The following C2orf92 variants were observed in gnomAD, a reference collection of about 807,000 sequenced individuals.
C2orf92 encodes the protein chromosome 2 open reading frame 92, also known as uncharacterized protein C2orf92.
At chr2:97,699,557 A>T (rs1334175583) in intron 6 of C2orf92, among the ~76,000 whole-genome samples, 1 of 152,184 alleles carries the variant, frequency 6.6e-6, no homozygotes, top group Non-Finnish European at 1.5e-5. Flanking sequence ...GTGAGCTGAG[A>T]TTGCACCATT....
intron 6 of C2orf92, 46 bp downstream of exon 6, chr2:97,699,182 G>A (rs893227007): frequency 1.5e-5 from 6 of 398,072 alleles, no homozygotes; most frequent in East Asian, 7.1e-5. Flanking sequence ...GCTTAAATAC[G>A]GACAACTTCT....
chr2:97,684,982 T>C (rs2104569604), intron 3 of C2orf92, among the ~76,000 whole-genome samples: 1 of 151,900 alleles, frequency 6.6e-6, no homozygotes, highest in Admixed American at 6.6e-5. Context: ...CAGGCTGGAG[T>C]GTAGTGGCAC....
At chr2:97,675,453 A>T (rs994481232) in intron 2 of C2orf92, among the ~76,000 whole-genome samples, 1 of 152,248 alleles carries the variant, frequency 6.6e-6, no homozygotes, top group Non-Finnish European at 1.5e-5. Context: ...GTCTATTCTT[A>T]ATGATTTATC....
At chr2:97,663,945 G>A (rs1181183055), upstream of C2orf92, 3 of 979,186 alleles carry the variant, frequency 3.1e-6, no homozygotes, top group African/African-American at 1.7e-5. Flanking sequence ...CACCGGATGG[G>A]CGGGCGGGCG....
intron 2 of C2orf92, chr2:97,675,611 T>C (rs1445814546): frequency 5.3e-6 from 2 of 380,866 alleles, no homozygotes; most frequent in South Asian, 1.5e-4. Flanking sequence ...TCAATGCTTA[T>C]GCATATTGTC....
chr2:97,696,950 G>A (rs779208965), intron 5 of C2orf92, among the ~76,000 whole-genome samples: 7 of 152,186 alleles, frequency 4.6e-5, no homozygotes, highest in African/African-American at 1.4e-4. Flanking sequence ...AAAGGCTCAC[G>A]TCAATGTTAG....
upstream of C2orf92, chr2:97,668,268 A>C (rs1675300831): frequency 6.6e-6 from 1 of 152,180 alleles, no homozygotes; most frequent in Non-Finnish European, 1.5e-5. Flanking sequence ...GTTACAGATT[A>C]CATGGTACCC....
At chr2:97,698,804 C>T (rs1173278930) in intron 5 of C2orf92, among the ~76,000 whole-genome samples, 3 of 152,186 alleles carry the variant, frequency 2.0e-5, no homozygotes, top group Non-Finnish European at 2.9e-5. Context: ...GAAATGCTGC[C>T]TCAGCTATGG....
chr2:97,688,644 T>G lies in C2orf92; in HGVS notation c.233-251T>G, dbSNP rs951453740. Among the ~76,000 whole-genome samples the G allele has an allele frequency of 2.0e-5, 3 of 152,086 alleles. No homozygotes were observed. In the East Asian group the frequency reaches 5.8e-4, roughly 29 times the overall value. On this transcript the variant is annotated intron_variant, in intron 3 of 7. Transcript: ENST00000627399. Reference sequence around the variant, plus strand: ...TATTAGGGCACTAAGTATCAGGAGATCTGGGGCCATATATCTTTAGCGGGC... The same window carrying G: ...TATTAGGGCACTAAGTATCAGGAGAGCTGGGGCCATATATCTTTAGCGGGC...
Position 97,701,218 on chromosome 2 carries a change from C to T in C2orf92, c.579C>T (p.Ile193=), listed in dbSNP as rs931502733. 5.8e-5 allele frequency: 23 copies of T among 398,976 alleles called. No homozygotes were observed. The highest frequency in any genetic ancestry group is 1.4e-4 in the African/African-American group (7 of 48,626). 24.7% of individuals were successfully genotyped at this position (398,976 alleles called of 1,614,324 possible). ...LLHFLQRNTI[I]AAVSGVAILM... is the part of the protein sequence containing the mutation. ...ACTTCCTGCAGAGGAACACCATCATCGCCGCCGTCTCAGGGGTGGCCATCC... is the reference window on the plus strand; with the variant it reads ...ACTTCCTGCAGAGGAACACCATCATTGCCGCCGTCTCAGGGGTGGCCATCC... The change falls in exon 7 of 8, where the codon ATC becomes ATT. Residue 193 remains isoleucine (I), a synonymous_variant. Transcript: ENST00000627399.
At chr2:97,664,775 A>C (rs928771994), upstream of C2orf92, 6 of 149,934 alleles carry the variant, frequency 4.0e-5, no homozygotes, top group African/African-American at 1.5e-4. Context: ...GGATCTCGCT[A>C]TGTTCCCCGG....
intron 3 of C2orf92, among the ~76,000 whole-genome samples, chr2:97,682,166 G>T (rs1675799401): frequency 6.6e-6 from 1 of 152,166 alleles, no homozygotes; most frequent in Non-Finnish European, 1.5e-5. Flanking sequence ...AGCATTTAAT[G>T]AGAGAAGAAT....
intron 3 of C2orf92, chr2:97,677,674 G>A (rs562025023): frequency 6.6e-6 from 1 of 152,232 alleles, no homozygotes; most frequent in East Asian, 1.9e-4. Context: ...AAAGAAACAG[G>A]AAAGGATGGC....
At chr2:97,669,652 G>C (rs1300262277), upstream of C2orf92, 4 of 393,664 alleles carry the variant, frequency 1.0e-5, no homozygotes, top group African/African-American at 8.2e-5. Flanking sequence ...TCTCATGGTT[G>C]AGCAGGCTCC....
At chr2:97,684,159 C>A (rs1675875345) in intron 3 of C2orf92, among the ~76,000 whole-genome samples, 1 of 152,008 alleles carries the variant, frequency 6.6e-6, no homozygotes, top group South Asian at 2.1e-4. Context: ...CCTCAGCCTC[C>A]CGAGTAGCTG....
chr2:97,698,905 T>C (rs1367095967), intron 5 of C2orf92, 121 bp from the exon 6 acceptor site: 3 of 394,398 alleles, frequency 7.6e-6, no homozygotes, highest in East Asian at 7.2e-5. Flanking sequence ...ACATTTAGAC[T>C]TTTCCCCCAA....
At chr2:97,666,152 T>G (rs948726488), upstream of C2orf92, among the ~76,000 whole-genome samples, 13 of 152,088 alleles carry the variant, frequency 8.5e-5, no homozygotes, top group African/African-American at 2.9e-4. Flanking sequence ...TGTAGGATTT[T>G]GTCCTTGCAG....
intron 3 of C2orf92, among the ~76,000 whole-genome samples, chr2:97,685,593 T>G (rs1015633004): frequency 5.5e-5 from 8 of 145,336 alleles, no homozygotes; most frequent in Non-Finnish European, 1.1e-4. Flanking sequence ...GACAAAGTCT[T>G]GCTCTGTCAC....
upstream of C2orf92, among the ~76,000 whole-genome samples, chr2:97,665,162 A>G (rs1675165957): frequency 6.6e-6 from 1 of 152,192 alleles, no homozygotes; most frequent in Non-Finnish European, 1.5e-5. Context: ...CAGCTGCTTC[A>G]AGAGTGCAGG....
Sources: gnomAD v4.1 joint callset for allele counts (sites outside exome capture counted in the v4.1 genomes callset) on GRCh38, gnomAD v4.1.1 for gene constraint, MANE v1.5 for transcripts, NCBI Gene and HGNC (gene_info 2026-07-23, HGNC 2026-07-21) for gene names.